PPP6C: variants seen among roughly 807,000 people sequenced by gnomAD.
PPP6C encodes the protein serine/threonine-protein phosphatase 6 catalytic subunit.
PPP6C carries 11 observed loss-of-function variants against 39.8 expected under a neutral mutation model. The observed-to-expected ratio is 0.28, with a 90% confidence interval of 0.17 to 0.46. The LOEUF is 0.46. Among genes scored for constraint, PPP6C ranks in the 20% least tolerant of loss-of-function variants. The probability of loss-of-function intolerance (pLI) is 1.00; values close to 1 mark genes in which losing one functional copy is unlikely to be tolerated. For missense variants in PPP6C, 211 were observed against 373.9 expected, an observed-to-expected ratio of 0.56 and a Z score of 3.59; for synonymous variants, 129 against 130.3, an observed-to-expected ratio of 0.99 and a Z score of 0.07.
intron 1 of PPP6C, among the ~76,000 whole-genome samples, chr9:125,182,023 C>A (rs1021318908): frequency 2.0e-5 from 3 of 152,244 alleles, no homozygotes; most frequent in East Asian, 1.9e-4. Context: ...TATCTCATTG[C>A]GGTTTTGATT....
At position 125,189,742 on chromosome 9, in the gene PPP6C, A is replaced by C. The variant is rs1554724093; in HGVS notation, c.-24T>G. 6.4e-7 allele frequency: 1 copy of C among 1,563,140 alleles called. No individual in the cohort carries two copies. The highest frequency in any genetic ancestry group is 2.0e-5 in the Admixed American group (1 of 49,490). ...ATTTTAAGAATAACAAGCCGCGGCA[A>C]CAGCGGCGGCGGCGGCTGTAGCAGC... On this transcript the variant is annotated 5_prime_UTR_variant, in exon 1 of 7. Transcript: ENST00000373547.
intron 1 of PPP6C, chr9:125,188,815 A>G (rs1829590543): frequency 2.5e-6 from 1 of 394,990 alleles, no homozygotes; most frequent in Non-Finnish European, 4.1e-6. Flanking sequence ...TAATAATAAT[A>G]ATAATTAAAA....
intron 1 of PPP6C, among the ~76,000 whole-genome samples, chr9:125,171,478 C>CAT (rs59002869): frequency 0.024 from 2,027 of 83,144 alleles, 27 homozygotes; most frequent in African/African-American, 0.041. Context: ...CACACACACA[C>CAT]ATATATATAT....
Position 125,148,492 on chromosome 9 carries a change from T to C in PPP6C, c.*1181A>G, listed in dbSNP as rs1835860566. ...GCTGAAATATGGTATCACAGACCTT[T>C]GCAAAAAAGAAGAACTTGTTTCTTT... On this transcript the variant is annotated 3_prime_UTR_variant, in exon 7 of 7. Coordinates refer to ENST00000373547, the MANE Select transcript of PPP6C (RefSeq NM_002721.5). 1 of 120,590 alleles carries C rather than the reference T, an allele frequency of 8.3e-6. No homozygotes were observed. Among genetic ancestry groups the C allele is most frequent in the African/African-American group, 3.2e-5 (1 of 31,586 alleles). 7.5% of individuals were successfully genotyped at this position (120,590 alleles called of 1,614,324 possible).
In PPP6C at chr9:125,187,066, C is replaced by T. The variant is rs375308561; in HGVS notation, c.75+2578G>A. The stretch of plus-strand genomic sequence containing the variant: ...GGTTCAAGCGATTCTCCTGCCTCAG[C>T]CTCCCAAGTAGCTGGGATTCCAAGC... On this transcript the variant is annotated intron_variant, in intron 1 of 6. Transcript: ENST00000373547. Among the ~76,000 whole-genome samples, 14 of 150,318 alleles carry T rather than the reference C, an allele frequency of 9.3e-5. 1 individual carries two copies. In the South Asian group the frequency reaches 2.9e-3, roughly 31 times the overall value.
At chr9:125,164,355 T>C (rs865953207) in intron 2 of PPP6C, among the ~76,000 whole-genome samples, 10 of 150,376 alleles carry the variant, frequency 6.7e-5, no homozygotes, top group Middle Eastern at 3.4e-3. Context: ...GCCTCCCAAG[T>C]AGCTGGGACT....
chr9:125,182,752 C>A (rs1470003748), intron 1 of PPP6C, among the ~76,000 whole-genome samples: 1 of 148,460 alleles, frequency 6.7e-6, no homozygotes. Flanking sequence ...TCTACGCCTA[C>A]TAGATACCCA....
At chr9:125,160,256 G>T (rs1431889687) in intron 3 of PPP6C, among the ~76,000 whole-genome samples, 2 of 152,114 alleles carry the variant, frequency 1.3e-5, no homozygotes, top group African/African-American at 4.8e-5. Flanking sequence ...AGGGGTTCTG[G>T]GTTATTTTTT....
chr9:125,148,135 A>C lies in PPP6C; in HGVS notation c.*1538T>G, dbSNP rs574013428. The C allele has an allele frequency of 1.1e-5, 2 of 185,856 alleles. No individual in the cohort carries two copies. Among genetic ancestry groups the C allele is most frequent in the Admixed American group, 8.5e-5 (2 of 23,454 alleles). 11.5% of individuals were successfully genotyped at this position (185,856 alleles called of 1,614,324 possible). ...TAATAAAAGAAAACCCTGATGAAAAATTATATGCCAAGAAGCTTAGACTAT... is the reference window on the plus strand; with the variant it reads ...TAATAAAAGAAAACCCTGATGAAAACTTATATGCCAAGAAGCTTAGACTAT... On this transcript the variant is annotated 3_prime_UTR_variant, in exon 7 of 7. Coordinates refer to ENST00000373547, the MANE Select transcript of PPP6C (RefSeq NM_002721.5).
chr9:125,173,347 A>G (rs1829216281), intron 1 of PPP6C, among the ~76,000 whole-genome samples: 1 of 145,128 alleles, frequency 6.9e-6, no homozygotes, highest in Admixed American at 7.2e-5. Flanking sequence ...CAAAGGTTGC[A>G]GTGAGCCGAG....
chr9:125,152,830 TC>T (rs1835983541), intron 6 of PPP6C, among the ~76,000 whole-genome samples: 1 of 146,078 alleles, frequency 6.8e-6, no homozygotes. Context: ...AACTCTTGTC[TC>T]AAAAAAAAAA....
At chr9:125,162,981 A>G (rs569933233) in intron 2 of PPP6C, among the ~76,000 whole-genome samples, 8 of 152,186 alleles carry the variant, frequency 5.3e-5, no homozygotes, top group South Asian at 2.1e-4. Flanking sequence ...CAGGAGGCTG[A>G]GGCAGGAGAA....
In PPP6C at chr9:125,159,150, C is replaced by T. The variant is rs1292347496; in HGVS notation, c.238-768G>A. On this transcript the variant is annotated intron_variant, in intron 3 of 6. Coordinates refer to ENST00000373547, the MANE Select transcript of PPP6C (RefSeq NM_002721.5). ...CCTTCCTGGATTCAAGTGATTCTCCCACCTCAGCTTCCTGAGTAGCTGGGA... is the reference window on the plus strand; with the variant it reads ...CCTTCCTGGATTCAAGTGATTCTCCTACCTCAGCTTCCTGAGTAGCTGGGA... Among the ~76,000 whole-genome samples, 51 of 150,798 alleles carry T rather than the reference C, an allele frequency of 3.4e-4. 1 individual carries two copies. Among genetic ancestry groups the T allele is most frequent in the Non-Finnish European group, 1.3e-4 (9 of 67,794 alleles).
chr9:125,151,664 A>G (rs948990427), intron 6 of PPP6C: 2 of 559,754 alleles, frequency 3.6e-6, no homozygotes, highest in African/African-American at 3.8e-5. Context: ...TTTGATGACG[A>G]ATTCAGCAGA....
At chr9:125,166,292 C>G (rs1489021161) in intron 2 of PPP6C, among the ~76,000 whole-genome samples, 1 of 152,178 alleles carries the variant, frequency 6.6e-6, no homozygotes, top group East Asian at 1.9e-4. Flanking sequence ...GTGGTGGACT[C>G]AGATTTTCCA....
At chr9:125,153,090 C>A (rs1313933808) in intron 6 of PPP6C, among the ~76,000 whole-genome samples, 2 of 151,416 alleles carry the variant, frequency 1.3e-5, no homozygotes, top group South Asian at 2.1e-4. Flanking sequence ...CTAGCCAACA[C>A]GGTGAAATCC....
At chr9:125,185,194 T>A (rs1475532954) in intron 1 of PPP6C, among the ~76,000 whole-genome samples, 11 of 152,038 alleles carry the variant, frequency 7.2e-5, no homozygotes. Context: ...TAAAATCACA[T>A]GAGCTCTTTA....
intron 1 of PPP6C, among the ~76,000 whole-genome samples, chr9:125,171,474 CACACATATATAT>C (rs1829154843): frequency 6.5e-5 from 2 of 30,852 alleles, no homozygotes; most frequent in African/African-American, 2.6e-4. Context: ...CACACACACA[CACACATATATAT>C]ATATATATAT....
chr9:125,158,889 C>T (rs1836150183), intron 3 of PPP6C, among the ~76,000 whole-genome samples: 1 of 151,974 alleles, frequency 6.6e-6, no homozygotes, highest in Admixed American at 6.6e-5. Context: ...TGGTCTCAAA[C>T]TCCTGACCTT....
Sources: allele counts gnomAD v4.1 joint callset (sites outside exome capture counted in the v4.1 genomes callset), GRCh38; gene constraint gnomAD v4.1.1; transcripts MANE v1.5; gene names NCBI Gene and HGNC (gene_info 2026-07-23, HGNC 2026-07-21).